Variants in STPG2 observed in about 807,000 individuals in gnomAD.
The protein encoded by STPG2 is sperm-tail PG-rich repeat-containing protein 2.
Under a neutral mutation model 54.2 loss-of-function variants are expected in STPG2, and 56 were observed. The ratio of observed to expected loss-of-function variants is 1.03; its 90% CI spans 0.83 to 1.29. STPG2 has a LOEUF of 1.29. STPG2 is among the 50% of genes most tolerant of loss of function. The pLI, the probability that STPG2 is intolerant of heterozygous loss-of-function variation, is 0.00. For synonymous variants in STPG2, 200 were observed against 181.8 expected (o/e 1.10, Z -0.81); for missense variants, 596 against 544.9 (o/e 1.09, Z -0.93).
chr4:97,526,792 G>C (rs569801690), intron 4 of STPG2, among the ~76,000 whole-genome samples: 2 of 151,938 alleles, frequency 1.3e-5, no homozygotes, highest in African/African-American at 4.8e-5. Flanking sequence ...TTTCTTCCAG[G>C]GTTTTTATGG....
intron 8 of STPG2, among the ~76,000 whole-genome samples, chr4:97,896,748 T>C (rs1285693701): frequency 1.3e-5 from 2 of 151,814 alleles, no homozygotes; most frequent in Non-Finnish European, 3.0e-5. Context: ...AAATGGTTTA[T>C]AGCATAAAAT....
At chr4:97,817,797 T>C (rs1727960115) in intron 9 of STPG2, among the ~76,000 whole-genome samples, 1 of 152,006 alleles carries the variant, frequency 6.6e-6, no homozygotes, top group Non-Finnish European at 1.5e-5. Context: ...AAATTTTCTA[T>C]ATTTTCTTAA....
At chr4:97,899,421 C>T (rs1731089266) in intron 8 of STPG2, among the ~76,000 whole-genome samples, 1 of 151,952 alleles carries the variant, frequency 6.6e-6, no homozygotes, top group Non-Finnish European at 1.5e-5. Context: ...AGATTTAATG[C>T]TTTTCCTATC....
chr4:97,837,887 A>G (rs1006840487), intron 9 of STPG2, among the ~76,000 whole-genome samples: 1 of 151,638 alleles, frequency 6.6e-6, no homozygotes, highest in Non-Finnish European at 1.5e-5. Context: ...CATCAACTTC[A>G]GTTCTTAACA....
chr4:98,127,548 T>C (rs17558151), intron 3 of STPG2, among the ~76,000 whole-genome samples: 59,476 of 152,060 alleles, frequency 0.39, 11,868 homozygotes, highest in Middle Eastern at 0.46. Flanking sequence ...AGCCTTTCCT[T>C]AAATATATGC....
At chr4:97,611,684 A>G (rs1437508173) in intron 10 of STPG2, among the ~76,000 whole-genome samples, 2 of 151,958 alleles carry the variant, frequency 1.3e-5, no homozygotes, top group Non-Finnish European at 1.5e-5. Flanking sequence ...TAGATCTAAC[A>G]TAGCCTACAA....
chr4:98,120,146 T>C (rs1035958129), intron 3 of STPG2, among the ~76,000 whole-genome samples: 2 of 152,186 alleles, frequency 1.3e-5, no homozygotes, highest in Non-Finnish European at 2.9e-5. Context: ...AGTGGCTCAA[T>C]CTTAGCTCAC....
chr4:97,651,963 A>C (rs1319481253), intron 10 of STPG2, among the ~76,000 whole-genome samples: 6 of 152,104 alleles, frequency 3.9e-5, no homozygotes, highest in African/African-American at 1.4e-4. Context: ...CATATTGTGA[A>C]TATAGTTATG....
At position 97,943,968 on chromosome 4, in the gene STPG2, A is replaced by G; in HGVS notation, c.973T>C (p.Leu325=). The G allele has an allele frequency of 6.2e-7, 1 of 1,607,104 alleles. No individual in the cohort carries two copies. Among genetic ancestry groups the G allele is most frequent in the Non-Finnish European group, 8.5e-7 (1 of 1,177,780 alleles). ...GCATATTTGTTAGTCAAGTTAGGTA[A>G]TTCATCAGAAATTCCCACACCCTGT... ...HSQGVGISDE[L]PNLTNKYAAF... is the part of the protein sequence containing the mutation. The change falls in exon 8 of 11, where the codon TTA becomes CTA. Residue 325 remains leucine, a synonymous_variant. Transcript: ENST00000295268.
intron 10 of STPG2, among the ~76,000 whole-genome samples, chr4:97,638,560 C>G (rs1179242132): frequency 1.3e-5 from 2 of 150,806 alleles, no homozygotes; most frequent in African/African-American, 4.9e-5. Flanking sequence ...AACAGGCAAC[C>G]TACAAAATGG....
chr4:97,652,618 A>T (rs1237337915), intron 10 of STPG2, among the ~76,000 whole-genome samples: 1 of 151,936 alleles, frequency 6.6e-6, no homozygotes, highest in African/African-American at 2.4e-5. Flanking sequence ...CTGGGGATAT[A>T]ATCAGAAATA....
At chr4:97,644,423 C>A (rs1229988873) in intron 10 of STPG2, among the ~76,000 whole-genome samples, 1 of 151,910 alleles carries the variant, frequency 6.6e-6, no homozygotes, top group Non-Finnish European at 1.5e-5. Flanking sequence ...CCCAGCCAAA[C>A]AAATAAGAAC....
chr4:97,451,682 C>A (rs1729369401), intron 4 of STPG2, among the ~76,000 whole-genome samples: 1 of 151,776 alleles, frequency 6.6e-6, no homozygotes. Context: ...GTGATCTATT[C>A]CAAGAGTTGC....
At chr4:97,896,277 A>T (rs1253475637) in intron 8 of STPG2, among the ~76,000 whole-genome samples, 2 of 151,840 alleles carry the variant, frequency 1.3e-5, no homozygotes, top group African/African-American at 2.4e-5. Context: ...ACCCAAATGA[A>T]GAAACATAGA....
At chr4:97,672,166 C>A (rs201200668) in intron 10 of STPG2, among the ~76,000 whole-genome samples, 2 of 80,698 alleles carry the variant, frequency 2.5e-5, no homozygotes, top group Non-Finnish European at 4.6e-5. Flanking sequence ...ACTGGTAATT[C>A]TTTTTTTTTT....
intron 10 of STPG2, among the ~76,000 whole-genome samples, chr4:97,566,895 G>A (rs892216077): frequency 2.0e-5 from 3 of 149,472 alleles, no homozygotes; most frequent in Non-Finnish European, 3.0e-5. Context: ...GGTGGTGGGA[G>A]GGGGGAGGGA....
intron 7 of STPG2, among the ~76,000 whole-genome samples, chr4:97,945,512 A>G (rs1733177466): frequency 6.6e-6 from 1 of 152,128 alleles, no homozygotes; most frequent in South Asian, 2.1e-4. Flanking sequence ...ATTTGGCTAC[A>G]ATAAACATAC....
intron 4 of STPG2, among the ~76,000 whole-genome samples, chr4:97,470,917 T>C (rs1458482234): frequency 6.6e-6 from 1 of 152,172 alleles, no homozygotes; most frequent in African/African-American, 2.4e-5. Flanking sequence ...TTTCTGATGA[T>C]ATGTCAGATT....
In STPG2 at chr4:98,134,478, A is replaced by G. The variant is rs763895275; in HGVS notation, c.110-19T>C. On this transcript the variant is annotated intron_variant, in intron 1 of 10. Coordinates refer to ENST00000295268, the MANE Select transcript of STPG2 (RefSeq NM_174952.3). ...TTACTACCTATAAAAATAAAATCAT[A>G]TGACCAGCAGATAAGATAAGAGTCC... is the stretch of plus-strand genomic sequence containing the variant. 6 of 1,473,576 alleles carry G rather than the reference A, an allele frequency of 4.1e-6. No homozygotes were observed. In the Admixed American group the frequency reaches 9.7e-5, roughly 24 times the overall value. 91.3% of individuals were successfully genotyped at this position (1,473,576 alleles called of 1,614,324 possible). A position where few individuals can be genotyped will look rare whatever the true frequency, so the allele number is the denominator to read the frequency against.
Sources: gnomAD v4.1 joint callset for allele counts (sites outside exome capture counted in the v4.1 genomes callset) on GRCh38, gnomAD v4.1.1 for gene constraint, MANE v1.5 for transcripts, NCBI Gene and HGNC (gene_info 2026-07-23, HGNC 2026-07-21) for gene names.